Variants in UBE3A observed in about 807,000 individuals in gnomAD.
UBE3A encodes the protein ubiquitin protein ligase E3A, also known as ubiquitin-protein ligase E3A.
A neutral mutation model predicts 83.4 loss-of-function variants in UBE3A; 6 were observed. The observed-to-expected ratio is 0.07, with a 90% confidence interval of 0.04 to 0.14. UBE3A has a LOEUF of 0.14. Among genes scored for constraint, UBE3A ranks in the 10% least tolerant of loss-of-function variants. UBE3A has a pLI of 1.00. For missense variants in UBE3A, 456 were observed against 1,036.1 expected, an observed-to-expected ratio of 0.44 and a Z score of 7.69; for synonymous variants, 337 against 355.4, an observed-to-expected ratio of 0.95 and a Z score of 0.58.
chr15:25,411,650 C>T (rs1429752329), intron 2 of UBE3A, among the ~76,000 whole-genome samples: 1 of 152,126 alleles, frequency 6.6e-6, no homozygotes, highest in Non-Finnish European at 1.5e-5. Context: ...ATTATTAATA[C>T]TCATAGCCCA....
Position 25,409,169 on chromosome 15 carries a change from T to C in UBE3A, c.-62A>G. 1 of 1,528,318 alleles carries C rather than the reference T, an allele frequency of 6.5e-7. No individual in the cohort carries two copies. The highest frequency in any genetic ancestry group is 9.0e-7 in the Non-Finnish European group (1 of 1,114,784). The allele number at this position is 1,528,318 out of a possible 1,614,324, so 94.7% of individuals were successfully genotyped here. A position where few individuals can be genotyped will look rare whatever the true frequency, so the allele number is the denominator to read the frequency against. ...GATTAAAAACAGGTTGTCACACCAG[T>C]CTAGCTGCTACCTTGATCTGAGCGT... On this transcript the variant is annotated 5_prime_UTR_variant, in exon 3 of 13. Coordinates refer to ENST00000648336, the MANE Select transcript of UBE3A (RefSeq NM_130839.5).
Position 25,418,989 on chromosome 15 carries a change from TA to T in UBE3A, c.-164-7019del, listed in dbSNP as rs745808430. 1.1e-4 allele frequency: 17 copies of T among 152,292 alleles called. No individual in the cohort carries two copies. The South Asian group carries it at 2.1e-3, about 19-fold the overall frequency. The allele number at this position is 152,292 out of a possible 1,614,324, so 9.4% of individuals were successfully genotyped here. A position where few individuals can be genotyped will look rare whatever the true frequency, so the allele number is the denominator to read the frequency against. On this transcript the variant is annotated intron_variant, in intron 1 of 12. Coordinates refer to ENST00000648336, the MANE Select transcript of UBE3A (RefSeq NM_130839.5). ...AACCTACATGCATCTTCAAATATGT[TA>T]AACCATCTCTAGATTACTTATAATA...
At chr15:25,361,528 G>A (rs1170101907) in intron 6 of UBE3A, among the ~76,000 whole-genome samples, 2 of 151,922 alleles carry the variant, frequency 1.3e-5, no homozygotes, top group African/African-American at 4.8e-5. Context: ...TGAATATACA[G>A]TAACCTCATT....
chr15:25,407,278 C>A, intron 3 of UBE3A: 2 of 1,055,420 alleles, frequency 1.9e-6, no homozygotes, highest in Middle Eastern at 2.7e-4. Flanking sequence ...GGAAGAGAGG[C>A]AGATTAGAAG....
chr15:25,340,549 A>G (rs1220023260), intron 11 of UBE3A, among the ~76,000 whole-genome samples: 1 of 152,226 alleles, frequency 6.6e-6, no homozygotes, highest in East Asian at 1.9e-4. Flanking sequence ...AGTAATGAGC[A>G]AAAGACAAAA....
intron 2 of UBE3A, among the ~76,000 whole-genome samples, chr15:25,410,549 A>G (rs2153079912): frequency 6.6e-6 from 1 of 152,334 alleles, no homozygotes; most frequent in South Asian, 2.1e-4. Context: ...AAGCAACAAT[A>G]GTCAAGCGTA....
intron 11 of UBE3A, among the ~76,000 whole-genome samples, chr15:25,351,392 C>A (rs115665939): frequency 0.022 from 3,334 of 152,278 alleles, 59 homozygotes; most frequent in Non-Finnish European, 0.032. Flanking sequence ...CTAGAAAAGA[C>A]AGAAAGCGAG....
Position 25,340,077 on chromosome 15 carries a change from T to C in UBE3A, c.2498+8A>G. The C allele has an allele frequency of 6.2e-7, 1 of 1,614,060 alleles. No individual in the cohort carries two copies. Among genetic ancestry groups the C allele is most frequent in the Non-Finnish European group, 8.5e-7 (1 of 1,179,944 alleles). On this transcript the variant is annotated splice_region_variant and intron_variant, in intron 12 of 12. Coordinates refer to ENST00000648336, the MANE Select transcript of UBE3A (RefSeq NM_130839.5). ...TAGGTATACAGTCACAAGTTAATAA[T>C]TACCTACCTTTCTGTGTCTGGGCCA...
rs530870219 is a variant in UBE3A, at chr15:25,371,569, T to G, written c.605A>C (p.Glu202Ala). 1 of 1,614,198 alleles carries G rather than the reference T, an allele frequency of 6.2e-7. No homozygotes were observed. The highest frequency in any genetic ancestry group is 2.2e-5 in the East Asian group (1 of 44,872). Residue 202 changes from glutamate to alanine, a missense_variant, in exon 6 of 13, where the codon GAA (glutamate) becomes GCA (alanine). Glu to Ala is a moderately radical substitution (Grantham distance 107). This residue lies in a region of UBE3A where 42 missense variants were observed against 41.8 expected (regional missense o/e 1.00). Transcript: ENST00000648336. This position sits in a 1 kb window ranked among gnomAD's most constrained non-coding sequence, Gnocchi z 5.3. ...CCTTGAGGAAGATGCTTCTGAGTCT[T>G]CTTCCATAGCAGCAGCAGAACATGC... ...KAACSAAAME[E>A]DSEASSSRIG...
chr15:25,423,056 A>C (rs1596437140), intron 1 of UBE3A, among the ~76,000 whole-genome samples: 1 of 152,118 alleles, frequency 6.6e-6, no homozygotes. Context: ...TGAAACCCAG[A>C]AACCATAAAA....
Position 25,354,568 on chromosome 15 carries a change from A to T in UBE3A, c.2240T>A (p.Phe747Tyr). ...AAGCAATTCAATTTCTTCTGGTCTG[A>T]ATAAGTACTTTAAGGGAGATTCATT... ...VTNESPLKYL[F>Y]RPEEIELLIC... Residue 747 changes from phenylalanine to tyrosine, a missense_variant, in exon 10 of 13, where the codon TTC (phenylalanine) becomes TAC (tyrosine). This residue lies in a region of UBE3A where 82 missense variants were observed against 199.3 expected (regional missense o/e 0.41). Coordinates refer to ENST00000648336, the MANE Select transcript of UBE3A (RefSeq NM_130839.5). 6.2e-7 allele frequency: 1 copy of T among 1,613,974 alleles called. No individual in the cohort carries two copies. Among genetic ancestry groups the T allele is most frequent in the Non-Finnish European group, 8.5e-7 (1 of 1,179,966 alleles).
At position 25,337,532 on chromosome 15, in the gene UBE3A, A is replaced by G. The variant is rs1177651460; in HGVS notation, c.*1605T>C. On this transcript the variant is annotated 3_prime_UTR_variant, in exon 13 of 13. Transcript: ENST00000648336. ...TTTATTTAGCATTATGGTACATAAC[A>G]AACAGTTCTGTCTCAATTATGAAAA... 6.6e-6 allele frequency: 1 copy of G among 152,086 alleles called. No homozygotes were observed. Among genetic ancestry groups the G allele is most frequent in the Non-Finnish European group, 1.5e-5 (1 of 68,020 alleles). 9.4% of individuals were successfully genotyped at this position (152,086 alleles called of 1,614,324 possible). A position where few individuals can be genotyped will look rare whatever the true frequency, so the allele number is the denominator to read the frequency against.
At chr15:25,389,063 GTAAAGC>G (rs916319717) in intron 4 of UBE3A, among the ~76,000 whole-genome samples, 1 of 152,164 alleles carries the variant, frequency 6.6e-6, no homozygotes, top group Non-Finnish European at 1.5e-5. Flanking sequence ...AAGATTTACT[GTAAAGC>G]TACAGTAGTC....
Position 25,375,535 on chromosome 15 carries a change from C to T in UBE3A, c.291G>A (p.Ser97=), listed in dbSNP as rs1411368065. The stretch of plus-strand genomic sequence containing the variant: ...AGCAGGAGTTGTTGGGGGCACCTTT[C>T]GAGTTCTCAAGGTAAGCTGAGCTTG... The part of the protein sequence containing the change: ...KGASSAYLEN[S]KGAPNNSCSE... Residue 97 remains serine (S), a synonymous_variant, in exon 5 of 13, where the codon TCG becomes TCA. Coordinates refer to ENST00000648336, the MANE Select transcript of UBE3A (RefSeq NM_130839.5). The T allele has an allele frequency of 8.7e-6, 14 of 1,614,042 alleles. No homozygotes were observed. In the African/African-American group the frequency reaches 1.2e-4, roughly 14 times the overall value.
At chr15:25,402,018 G>C (rs1432231521) in intron 4 of UBE3A, among the ~76,000 whole-genome samples, 3 of 151,932 alleles carry the variant, frequency 2.0e-5, no homozygotes, top group Non-Finnish European at 4.4e-5. Context: ...TGAATTCTTT[G>C]TCAGGCAGTT....
rs368452212 is a variant in UBE3A, at chr15:25,417,279, A to G, written c.-164-5308T>C. On this transcript the variant is annotated intron_variant, in intron 1 of 12. Coordinates refer to ENST00000648336, the MANE Select transcript of UBE3A (RefSeq NM_130839.5). ...CTACCATTAAAGCAAAGCCTTCTCT[A>G]GACAAACTCCAATGTAGCCCTGAAG... Among the ~76,000 whole-genome samples, 65 of 152,216 alleles carry G rather than the reference A, an allele frequency of 4.3e-4. 1 individual carries two copies. The South Asian group carries it at 0.013, about 31-fold the overall frequency.
At chr15:25,433,669 A>G (rs1008278176) in intron 1 of UBE3A, among the ~76,000 whole-genome samples, 3 of 152,224 alleles carry the variant, frequency 2.0e-5, no homozygotes, top group African/African-American at 7.2e-5. Flanking sequence ...GACAGTGCTC[A>G]TTCCATTTCA....
chr15:25,395,135 C>A (rs1459366916), intron 4 of UBE3A, among the ~76,000 whole-genome samples: 1 of 151,954 alleles, frequency 6.6e-6, no homozygotes, highest in Admixed American at 6.6e-5. Flanking sequence ...TAGTTACAAG[C>A]CTTAAGATGA....
chr15:25,400,839 G>A (rs572923915), intron 4 of UBE3A, among the ~76,000 whole-genome samples: 2 of 152,152 alleles, frequency 1.3e-5, no homozygotes, highest in Non-Finnish European at 2.9e-5. Context: ...GTACTGTGCT[G>A]AATAGAAATG....
Sources: gnomAD v4.1 joint callset for allele counts (sites outside exome capture counted in the v4.1 genomes callset) on GRCh38, gnomAD v4.1.1 for gene constraint, gnomAD v4.1.1 regional missense constraint, Gnocchi (gnomAD v3.1) non-coding constraint, MANE v1.5 for transcripts, NCBI Gene and HGNC (gene_info 2026-07-23, HGNC 2026-07-21) for gene names.